Variants in DSCAM observed in about 807,000 individuals in gnomAD.
DSCAM encodes the protein DS cell adhesion molecule.
A neutral mutation model predicts 217.7 loss-of-function variants in DSCAM; 47 were observed. The ratio of observed to expected loss-of-function variants is 0.22; its 90% CI spans 0.17 to 0.28. The LOEUF is 0.28. Ranked by LOEUF, DSCAM falls within the 10% of genes least tolerant of loss-of-function variation. The pLI is 1.00. For missense variants in DSCAM, 2,080 were observed against 2,618.3 expected (o/e 0.79, Z 4.49); for synonymous variants, 1,056 against 1,015.3 (o/e 1.04, Z -0.76).
chr21:40,555,776 G>A (rs1018435570), intron 3 of DSCAM, among the ~76,000 whole-genome samples: 10 of 152,096 alleles, frequency 6.6e-5, no homozygotes, highest in African/African-American at 2.2e-4. Flanking sequence ...GGCACTACAG[G>A]TGTCCACCAC....
intron 8 of DSCAM, among the ~76,000 whole-genome samples, chr21:40,327,874 A>T (rs2074334896): frequency 1.3e-5 from 2 of 152,184 alleles, no homozygotes; most frequent in Non-Finnish European, 2.9e-5. Context: ...GAAAAAAATT[A>T]AAGAAAACAA....
chr21:40,644,827 G>C (rs2089925235), intron 3 of DSCAM, among the ~76,000 whole-genome samples: 1 of 151,986 alleles, frequency 6.6e-6, no homozygotes, highest in Non-Finnish European at 1.5e-5. Context: ...CCAAGAACCT[G>C]GACAACTCAC....
chr21:40,080,402 A>G, intron 24 of DSCAM, 62 bp from the exon 25 acceptor site: 1 of 1,366,294 alleles, frequency 7.3e-7, no homozygotes, highest in Non-Finnish European at 9.8e-7. Context: ...AAGTGGACTG[A>G]TGCTTGCATT....
At chr21:40,113,209 C>T (rs572086629) in intron 20 of DSCAM, among the ~76,000 whole-genome samples, 5 of 152,122 alleles carry the variant, frequency 3.3e-5, no homozygotes, top group Admixed American at 6.5e-5. Flanking sequence ...AAAAGCTTAT[C>T]CACCATGATC....
intron 16 of DSCAM, among the ~76,000 whole-genome samples, chr21:40,146,301 A>G (rs1018133847): frequency 5.3e-5 from 8 of 151,936 alleles, no homozygotes; most frequent in South Asian, 2.1e-4. Flanking sequence ...AGAGAAGTAG[A>G]AGGAGGATGG....
chr21:40,727,614 C>T (rs924715653), intron 1 of DSCAM, among the ~76,000 whole-genome samples: 2 of 152,112 alleles, frequency 1.3e-5, no homozygotes, highest in Middle Eastern at 3.2e-3. Context: ...TGTGCCATCT[C>T]CTCTGCCACT....
At chr21:40,037,571 C>T (rs201838924) in intron 32 of DSCAM, among the ~76,000 whole-genome samples, 73 of 145,730 alleles carry the variant, frequency 5.0e-4, no homozygotes, top group African/African-American at 6.6e-4. Flanking sequence ...GAATTAATAT[C>T]GTGAAAATGG....
chr21:40,077,940 C>T (rs401936), intron 26 of DSCAM, among the ~76,000 whole-genome samples: 55,753 of 152,124 alleles, frequency 0.37, 10,659 homozygotes, highest in South Asian at 0.63. Context: ...CATCAGCCCG[C>T]TGCTGCTGGG....
At chr21:40,572,959 GAGA>G (rs1387205762) in intron 3 of DSCAM, among the ~76,000 whole-genome samples, 4 of 152,124 alleles carry the variant, frequency 2.6e-5, no homozygotes, top group Admixed American at 6.5e-5. Context: ...ACAATTTCTT[GAGA>G]AGATCACATG....
intron 32 of DSCAM, among the ~76,000 whole-genome samples, chr21:40,014,077 A>G (rs1285106872): frequency 6.6e-6 from 1 of 152,234 alleles, no homozygotes; most frequent in African/African-American, 2.4e-5. Context: ...ACGCAAACAT[A>G]ACCTCAGGTC....
At chr21:40,673,930 T>G (rs1253339502) in intron 3 of DSCAM, among the ~76,000 whole-genome samples, 1 of 152,154 alleles carries the variant, frequency 6.6e-6, no homozygotes, top group Non-Finnish European at 1.5e-5. Flanking sequence ...CAGCCTCAGG[T>G]ATTTCTTTAC....
At chr21:40,769,402 G>C (rs2091425200) in intron 1 of DSCAM, among the ~76,000 whole-genome samples, 1 of 152,192 alleles carries the variant, frequency 6.6e-6, no homozygotes. Context: ...GGGAGAAGGA[G>C]ATGAGGCCTG....
chr21:40,244,927 C>T (rs1014898809), intron 11 of DSCAM, among the ~76,000 whole-genome samples: 2 of 151,860 alleles, frequency 1.3e-5, no homozygotes, highest in African/African-American at 4.8e-5. Context: ...TGCTCATTTC[C>T]GCCGACTGCC....
chr21:40,121,688 T>C, intron 20 of DSCAM, among the ~76,000 whole-genome samples: 1 of 100,394 alleles, frequency 1.0e-5, no homozygotes, highest in Non-Finnish European at 1.9e-5. Context: ...TGTCTTTTTT[T>C]TTTTTTTTTT....
At chr21:40,403,035 T>C (rs1569106029) in intron 3 of DSCAM, among the ~76,000 whole-genome samples, 1 of 152,068 alleles carries the variant, frequency 6.6e-6, no homozygotes, top group East Asian at 1.9e-4. Flanking sequence ...CCAATATCCT[T>C]CACTAGACAC....
At chr21:40,301,789 T>A (rs1158730188) in intron 9 of DSCAM, among the ~76,000 whole-genome samples, 1 of 152,222 alleles carries the variant, frequency 6.6e-6, no homozygotes, top group Non-Finnish European at 1.5e-5. Context: ...ATGTTATTAC[T>A]TCAGTTTTAT....
At chr21:40,505,789 T>C (rs2076205666) in intron 3 of DSCAM, among the ~76,000 whole-genome samples, 1 of 152,206 alleles carries the variant, frequency 6.6e-6, no homozygotes, top group Non-Finnish European at 1.5e-5. Flanking sequence ...GATTGTGATA[T>C]GCAGTGCTTC....
At chr21:40,786,858 C>G (rs1388840844) in intron 1 of DSCAM, among the ~76,000 whole-genome samples, 1 of 152,144 alleles carries the variant, frequency 6.6e-6, no homozygotes, top group Non-Finnish European at 1.5e-5. Context: ...GTTTAATCAT[C>G]AGTCAGTCCC....
intron 16 of DSCAM, among the ~76,000 whole-genome samples, chr21:40,150,922 G>A (rs978567341): frequency 6.6e-6 from 1 of 152,198 alleles, no homozygotes; most frequent in African/African-American, 2.4e-5. Flanking sequence ...CAGTGAATGA[G>A]GTTAATGGTG....
Sources: gnomAD v4.1 joint callset for allele counts (sites outside exome capture counted in the v4.1 genomes callset) on GRCh38, gnomAD v4.1.1 for gene constraint, MANE v1.5 for transcripts, NCBI Gene and HGNC (gene_info 2026-07-23, HGNC 2026-07-21) for gene names.